CFAP44: variants seen among roughly 807,000 people sequenced by gnomAD.
CFAP44 encodes cilia and flagella associated protein 44, also known as cilia- and flagella-associated protein 44.
Under a neutral mutation model 216.2 loss-of-function variants are expected in CFAP44, and 134 were observed. The ratio of observed to expected loss-of-function variants is 0.62; its 90% CI spans 0.54 to 0.72. The LOEUF (loss-of-function observed/expected upper bound fraction) is 0.72. Ranked by LOEUF, CFAP44 falls within the 30% of genes least tolerant of loss-of-function variation. The probability of loss-of-function intolerance (pLI) is 0.00; values close to 1 mark genes in which losing one functional copy is unlikely to be tolerated. For synonymous variants in CFAP44, 700 were observed against 727.6 expected (o/e 0.96, Z 0.61); for missense variants, 2,035 against 2,182.1 (o/e 0.93, Z 1.34).
chr3:113,432,986 G>A (rs1288512242), intron 2 of CFAP44, among the ~76,000 whole-genome samples: 10 of 152,016 alleles, frequency 6.6e-5, no homozygotes, highest in Non-Finnish European at 1.5e-4. Context: ...TCTCTGCATG[G>A]CTGCCCAAGT....
At chr3:113,409,031 TC>T in intron 7 of CFAP44, 74 bp downstream of exon 7, 5 of 504,988 alleles carry the variant, frequency 9.9e-6, no homozygotes, top group Non-Finnish European at 1.5e-5. Flanking sequence ...AAAAAAAAAG[TC>T]TCCAGCTCTT....
intron 19 of CFAP44, 121 bp from the exon 20 acceptor site, chr3:113,363,653 A>T: frequency 2.3e-6 from 2 of 862,886 alleles, no homozygotes; most frequent in Non-Finnish European, 3.3e-6. Flanking sequence ...GCCAATTTCT[A>T]ATAATTATAG....
rs541676864 is a variant in CFAP44 at position 113,291,416 on chromosome 3, G to A, written c.*141C>T. The A allele has an allele frequency of 1.2e-5, 11 of 952,150 alleles. No homozygotes were observed. In the East Asian group the frequency reaches 2.9e-4, roughly 25 times the overall value. The allele number at this position is 952,150 out of a possible 1,614,324, so 59.0% of individuals were successfully genotyped here. ...ACCAAATTGTAGAGAGATTCTTAAA[G>A]TGACTTAACGTGACTGGATCTGGTT... On this transcript the variant is annotated 3_prime_UTR_variant, in exon 35 of 35. Transcript: ENST00000393845.
intron 16 of CFAP44, among the ~76,000 whole-genome samples, chr3:113,380,087 G>A (rs867299560): frequency 1.7e-4 from 26 of 152,198 alleles, no homozygotes; most frequent in Middle Eastern, 3.4e-3. Context: ...TGCACAATGT[G>A]CAGGTTAGTT....
At position 113,416,613 on chromosome 3, in the gene CFAP44, T is replaced by G. The variant is rs1265945727; in HGVS notation, c.585A>C (p.Lys195Asn). Residue 195 changes from lysine (K) to asparagine (N), a missense_variant, in exon 6 of 35, where the codon AAA becomes AAC. This residue lies in a region of CFAP44 where 1,883 missense variants were observed against 2,023.7 expected (regional missense o/e 0.93). Coordinates refer to ENST00000393845, the MANE Select transcript of CFAP44 (RefSeq NM_001164496.2). ...GIGVIGVHPH[K>N]TYFTVAEKGS... ...CTTTTTCAGCTACTGTGAAATAAGT[T>G]TTATGTGGATGAACCTACAAAAGAT... 1.9e-6 allele frequency: 3 copies of G among 1,607,800 alleles called. No homozygotes were observed. Among genetic ancestry groups the G allele is most frequent in the Non-Finnish European group, 2.5e-6 (3 of 1,176,548 alleles).
At chr3:113,421,778 T>G (rs1005537620) in intron 4 of CFAP44, among the ~76,000 whole-genome samples, 1 of 134,786 alleles carries the variant, frequency 7.4e-6, no homozygotes, top group African/African-American at 2.8e-5. Context: ...AAGTGGGAGC[T>G]AAATCTTGAG....
chr3:113,339,072 T>C (rs994901316), intron 24 of CFAP44, among the ~76,000 whole-genome samples: 1 of 152,168 alleles, frequency 6.6e-6, no homozygotes, highest in Admixed American at 6.5e-5. Context: ...CCTGCACATA[T>C]GGGGCTTCAG....
At chr3:113,329,183 G>C (rs1950219169) in intron 26 of CFAP44, among the ~76,000 whole-genome samples, 1 of 152,126 alleles carries the variant, frequency 6.6e-6, no homozygotes, top group Non-Finnish European at 1.5e-5. Flanking sequence ...AAACAGCAAG[G>C]AAAATTAGTG....
Position 113,344,674 on chromosome 3 carries a change from T to A in CFAP44, c.3104A>T (p.His1035Leu). The change falls in exon 23 of 35, where the codon CAT becomes CTT. Residue 1035 changes from histidine (H) to leucine (L), a missense_variant. Physicochemically the swap from His to Leu is moderately conservative, Grantham distance 99 (BLOSUM62 -3). This residue lies in a region of CFAP44 where 1,883 missense variants were observed against 2,023.7 expected (regional missense o/e 0.93). Transcript: ENST00000393845. The stretch of plus-strand genomic sequence containing the variant: ...TATCTTGTGGTCACTCAGTATGGCA[T>A]GAACCACAATAGTATCACTTTCCAG... ...DPLESDTIVV[H>L]AILSDHKISS... The A allele has an allele frequency of 6.5e-7, 1 of 1,530,026 alleles. No homozygotes were observed. Among genetic ancestry groups the A allele is most frequent in the Non-Finnish European group, 8.7e-7 (1 of 1,145,112 alleles). 94.8% of individuals were successfully genotyped at this position (1,530,026 alleles called of 1,614,324 possible). A position where few individuals can be genotyped will look rare whatever the true frequency, so the allele number is the denominator to read the frequency against.
chr3:113,318,786 A>G lies in CFAP44; in HGVS notation c.4516+7659T>C, dbSNP rs566322903. On this transcript the variant is annotated intron_variant, in intron 28 of 34. Transcript: ENST00000393845. ...GGGGCCTATTTTCAGTGTCCTTATA[A>G]AGAAAATAAATTCGAACCAAGAATT... Among the ~76,000 whole-genome samples, 97 of 152,280 alleles carry G rather than the reference A, an allele frequency of 6.4e-4. 1 individual carries two copies. The highest frequency in any genetic ancestry group is 2.3e-3 in the African/African-American group (95 of 41,552).
At chr3:113,404,262 GTTGGTAAT>G (rs1444659531) in intron 8 of CFAP44, among the ~76,000 whole-genome samples, 1 of 152,122 alleles carries the variant, frequency 6.6e-6, no homozygotes, top group Non-Finnish European at 1.5e-5. Flanking sequence ...GCTGTATGTT[GTTGGTAAT>G]TGTTCATGTA....
chr3:113,291,412 T>G lies in CFAP44; in HGVS notation c.*145A>C, dbSNP rs1949827462. 1.1e-6 allele frequency: 1 copy of G among 931,192 alleles called. No individual in the cohort carries two copies. Among genetic ancestry groups the G allele is most frequent in the African/African-American group, 1.7e-5 (1 of 60,006 alleles). The allele number at this position is 931,192 out of a possible 1,614,324, so 57.7% of individuals were successfully genotyped here. On this transcript the variant is annotated 3_prime_UTR_variant, in exon 35 of 35. Coordinates refer to ENST00000393845, the MANE Select transcript of CFAP44 (RefSeq NM_001164496.2). The stretch of plus-strand genomic sequence containing the variant: ...GATAACCAAATTGTAGAGAGATTCT[T>G]AAAGTGACTTAACGTGACTGGATCT...
chr3:113,355,537 A>T (rs1179662999), intron 22 of CFAP44, among the ~76,000 whole-genome samples: 1 of 152,218 alleles, frequency 6.6e-6, no homozygotes, highest in African/African-American at 2.4e-5. Flanking sequence ...CTATGCAGCC[A>T]TAAAAAAGGA....
chr3:113,316,546 G>A (rs1193847704), intron 28 of CFAP44, among the ~76,000 whole-genome samples: 2 of 151,902 alleles, frequency 1.3e-5, no homozygotes, highest in African/African-American at 4.8e-5. Flanking sequence ...CCTCTAGCCA[G>A]ACTGAAAAAA....
At chr3:113,346,329 A>ATTGTAAGTG (rs1950381452) in intron 22 of CFAP44, among the ~76,000 whole-genome samples, 4 of 151,990 alleles carry the variant, frequency 2.6e-5, no homozygotes, top group African/African-American at 9.7e-5. Context: ...TAGCTAAAGG[A>ATTGTAAGTG]CTGTAAGTGC....
intron 1 of CFAP44, 172 bp from the exon 2 acceptor site, chr3:113,433,841 C>T: frequency 1.8e-6 from 1 of 543,468 alleles, no homozygotes; most frequent in Non-Finnish European, 3.3e-6. Flanking sequence ...CCAGAGACCT[C>T]TGACCTCTGC....
At position 113,381,035 on chromosome 3, in the gene CFAP44, CA is replaced by C; in HGVS notation, c.1915del (p.Cys639ValfsTer14). On this transcript the variant is annotated frameshift_variant, in exon 16 of 35. Transcript: ENST00000393845. LOFTEE classifies it high-confidence loss of function. ...SHPESTLLII[C>X]ENGYILEAPL... ...AGCTTCAAGAATATAGCCATTTTCA[CA>C]GATAATTAGTAAAGTACTTTCAGGC... The C allele has an allele frequency of 6.3e-7, 1 of 1,579,900 alleles. No homozygotes were observed. Among genetic ancestry groups the C allele is most frequent in the Non-Finnish European group, 8.6e-7 (1 of 1,165,304 alleles).
intron 32 of CFAP44, among the ~76,000 whole-genome samples, chr3:113,297,220 A>G (rs186776609): frequency 2.0e-5 from 3 of 152,194 alleles, no homozygotes; most frequent in South Asian, 4.1e-4. Flanking sequence ...AGCATCTAGT[A>G]TTAAGAATAG....
rs1950329729 is a variant in CFAP44, at chr3:113,341,151, T to C, written c.3437+593A>G. Among the ~76,000 whole-genome samples, 3 of 152,290 alleles carry C rather than the reference T, an allele frequency of 2.0e-5. No individual in the cohort carries two copies. The South Asian group carries it at 6.2e-4, about 32-fold the overall frequency. On this transcript the variant is annotated intron_variant, in intron 24 of 34. Coordinates refer to ENST00000393845, the MANE Select transcript of CFAP44 (RefSeq NM_001164496.2). The stretch of plus-strand genomic sequence containing the variant: ...GTCTCAGGTTTTAATAGGCCCAGGA[T>C]AGGGGCATGGCAAGCCAGGGTGGTC...
Sources: allele counts gnomAD v4.1 joint callset (sites outside exome capture counted in the v4.1 genomes callset), GRCh38; gene constraint gnomAD v4.1.1; regional missense constraint gnomAD v4.1.1; transcripts MANE v1.5; gene names NCBI Gene and HGNC (gene_info 2026-07-23, HGNC 2026-07-21).